CACNA2D1: variants seen among roughly 807,000 people sequenced by gnomAD.
CACNA2D1 encodes voltage-dependent calcium channel subunit alpha-2/delta-1.
Under a neutral mutation model 171.5 loss-of-function variants are expected in CACNA2D1, and 53 were observed. The ratio of observed to expected loss-of-function variants is 0.31; its 90% CI spans 0.25 to 0.39. The LOEUF (loss-of-function observed/expected upper bound fraction) is 0.39. Among genes scored for constraint, CACNA2D1 ranks in the 10% least tolerant of loss-of-function variants. The pLI, the probability that CACNA2D1 is intolerant of heterozygous loss-of-function variation, is 1.00. For missense variants in CACNA2D1, 903 were observed against 1,299.8 expected, an observed-to-expected ratio of 0.69 and a Z score of 4.69; for synonymous variants, 442 against 443.1, an observed-to-expected ratio of 1.00 and a Z score of 0.03.
At chr7:82,137,811 C>A (rs1791844963) in intron 4 of CACNA2D1, among the ~76,000 whole-genome samples, 2 of 151,176 alleles carry the variant, frequency 1.3e-5, no homozygotes, top group Non-Finnish European at 2.9e-5. Flanking sequence ...ACCCAGGAGG[C>A]GGAGCTTGCA....
At chr7:81,988,655 A>C (rs916214231) in intron 21 of CACNA2D1, among the ~76,000 whole-genome samples, 2 of 152,174 alleles carry the variant, frequency 1.3e-5, no homozygotes, top group African/African-American at 4.8e-5. Context: ...TTGCAATGGA[A>C]GTTCTGTACA....
intron 4 of CACNA2D1, among the ~76,000 whole-genome samples, chr7:82,146,375 CATATTT>C (rs1385359603): frequency 2.4e-5 from 3 of 126,948 alleles, no homozygotes; most frequent in Admixed American, 1.6e-4. Flanking sequence ...TTTACATATA[CATATTT>C]ATATTTATAT....
Position 81,960,658 on chromosome 7 carries a change from A to C in CACNA2D1, c.2967-829T>G, listed in dbSNP as rs1363797697. ...TTTGATTTCCATAAAGCAAATCAAAAGGAAAGTATGATGCAATTTAACATC... is the reference window on the plus strand; with the variant it reads ...TTTGATTTCCATAAAGCAAATCAAACGGAAAGTATGATGCAATTTAACATC... On this transcript the variant is annotated intron_variant, in intron 36 of 38. Transcript: ENST00000356860. Among the ~76,000 whole-genome samples, 3 of 152,116 alleles carry C rather than the reference A, an allele frequency of 2.0e-5. No individual in the cohort carries two copies. The East Asian group carries it at 5.8e-4, about 29-fold the overall frequency.
At chr7:82,247,108 A>T (rs1805019365) in intron 3 of CACNA2D1, among the ~76,000 whole-genome samples, 2 of 152,192 alleles carry the variant, frequency 1.3e-5, no homozygotes, top group Non-Finnish European at 2.9e-5. Context: ...AATTTTGATT[A>T]TGAAGTGGGG....
chr7:81,957,580 G>A (rs1174611659), intron 38 of CACNA2D1, among the ~76,000 whole-genome samples: 2 of 151,920 alleles, frequency 1.3e-5, no homozygotes, highest in Non-Finnish European at 2.9e-5. Context: ...GCAAGTATAG[G>A]AAAAGGAAAG....
intron 3 of CACNA2D1, among the ~76,000 whole-genome samples, chr7:82,294,909 A>C (rs1812075565): frequency 6.6e-6 from 1 of 152,166 alleles, no homozygotes; most frequent in South Asian, 2.1e-4. Flanking sequence ...ACATGACAAA[A>C]AAAGAAAGTT....
chr7:82,437,304 T>C (rs1436677250), intron 1 of CACNA2D1, among the ~76,000 whole-genome samples: 1 of 152,128 alleles, frequency 6.6e-6, no homozygotes. Flanking sequence ...TTTCCATCAT[T>C]TGCCAGAAGA....
At chr7:81,982,546 C>CAA (rs767059966) in intron 24 of CACNA2D1, 21 bp downstream of exon 24, 9 of 1,476,672 alleles carry the variant, frequency 6.1e-6, no homozygotes, top group Non-Finnish European at 7.6e-6. Flanking sequence ...GAAGATGTAT[C>CAA]AAAAATACAA....
At chr7:82,277,824 C>A (rs774389839) in intron 3 of CACNA2D1, among the ~76,000 whole-genome samples, 7 of 148,816 alleles carry the variant, frequency 4.7e-5, no homozygotes, top group African/African-American at 7.4e-5. Flanking sequence ...CGGCTCACAG[C>A]AACCTCCACC....
intron 1 of CACNA2D1, among the ~76,000 whole-genome samples, chr7:82,410,801 T>C (rs1000683165): frequency 6.6e-6 from 1 of 152,244 alleles, no homozygotes; most frequent in South Asian, 2.1e-4. Context: ...GATGAGTCTT[T>C]TAACTTTCTA....
At chr7:81,962,295 A>G (rs1794230350) in intron 35 of CACNA2D1, 145 bp downstream of exon 35, 1 of 736,978 alleles carries the variant, frequency 1.4e-6, no homozygotes, top group East Asian at 2.7e-5. Flanking sequence ...AAGGTTGGAC[A>G]AAAAGTTTCT....
intron 21 of CACNA2D1, among the ~76,000 whole-genome samples, chr7:81,989,723 T>C (rs1012328236): frequency 6.6e-6 from 1 of 152,142 alleles, no homozygotes; most frequent in African/African-American, 2.4e-5. Context: ...GGCTAATAAT[T>C]TGAATTTAAC....
intron 3 of CACNA2D1, among the ~76,000 whole-genome samples, chr7:82,178,246 C>T (rs1201071981): frequency 6.6e-6 from 1 of 152,040 alleles, no homozygotes; most frequent in Non-Finnish European, 1.5e-5. Context: ...AAATTAACCA[C>T]AAAGCTTCAA....
intron 10 of CACNA2D1, among the ~76,000 whole-genome samples, chr7:82,057,521 C>T (rs1414773383): frequency 2.0e-5 from 3 of 151,750 alleles, no homozygotes; most frequent in Non-Finnish European, 4.4e-5. Context: ...AAATCTATAG[C>T]TACTATCTGA....
intron 1 of CACNA2D1, among the ~76,000 whole-genome samples, chr7:82,393,319 A>G (rs1178917800): frequency 6.6e-6 from 1 of 152,242 alleles, no homozygotes; most frequent in Non-Finnish European, 1.5e-5. Flanking sequence ...TACAAAGAAC[A>G]GCAGTAAGCA....
intron 3 of CACNA2D1, among the ~76,000 whole-genome samples, chr7:82,254,195 AAAAC>A (rs1806002610): frequency 6.6e-6 from 1 of 152,164 alleles, no homozygotes; most frequent in African/African-American, 2.4e-5. Flanking sequence ...AAATAAATAT[AAAAC>A]AAACAAAATA....
At chr7:82,365,457 T>C (rs929477249) in intron 1 of CACNA2D1, among the ~76,000 whole-genome samples, 1 of 152,218 alleles carries the variant, frequency 6.6e-6, no homozygotes, top group Admixed American at 6.5e-5. Flanking sequence ...GAAAGTATTT[T>C]TGTTTACATT....
At chr7:82,079,229 T>G (rs1012822063) in intron 7 of CACNA2D1, among the ~76,000 whole-genome samples, 1 of 152,200 alleles carries the variant, frequency 6.6e-6, no homozygotes, top group Non-Finnish European at 1.5e-5. Context: ...GATTTAATGC[T>G]TCTTATTCTC....
At chr7:82,098,414 T>C (rs751372917) in intron 6 of CACNA2D1, among the ~76,000 whole-genome samples, 35 of 152,202 alleles carry the variant, frequency 2.3e-4, no homozygotes, top group Non-Finnish European at 1.2e-4. Flanking sequence ...AAACCCATTA[T>C]TTTCTAATGC....
Sources: allele counts gnomAD v4.1 joint callset (sites outside exome capture counted in the v4.1 genomes callset), GRCh38; gene constraint gnomAD v4.1.1; transcripts MANE v1.5; gene names NCBI Gene and HGNC (gene_info 2026-07-23, HGNC 2026-07-21).